Variants in MAD1L1 observed in about 807,000 individuals in gnomAD.
The protein encoded by MAD1L1 is mitotic arrest deficient 1 like 1.
In MAD1L1, 95 loss-of-function variants were observed where a neutral mutation model predicts 96.9. The observed-to-expected ratio is 0.98, with a 90% CI of 0.83 to 1.16. MAD1L1 has a LOEUF of 1.16. MAD1L1 is among the 50% of genes most tolerant of loss of function. The pLI, the probability that MAD1L1 is intolerant of heterozygous loss-of-function variation, is 0.00. For synonymous variants in MAD1L1, 473 were observed against 396.6 expected, an observed-to-expected ratio of 1.19 and a Z score of -2.29; for missense variants, 1,007 against 954.4, an observed-to-expected ratio of 1.06 and a Z score of -0.73.
chr7:2,057,345 A>G (rs1784425272), intron 12 of MAD1L1, among the ~76,000 whole-genome samples: 1 of 152,200 alleles, frequency 6.6e-6, no homozygotes, highest in African/African-American at 2.4e-5. Context: ...GGCAAAATCC[A>G]TCCCTACTAA....
intron 13 of MAD1L1, among the ~76,000 whole-genome samples, chr7:2,004,508 G>A (rs950176061): frequency 1.3e-5 from 2 of 152,198 alleles, no homozygotes; most frequent in Non-Finnish European, 2.9e-5. Flanking sequence ...AGGCAGGGTC[G>A]TCCGGAAGCA....
chr7:1,931,113 TGTC>T (rs1789450136), intron 17 of MAD1L1, among the ~76,000 whole-genome samples: 2 of 117,460 alleles, frequency 1.7e-5, no homozygotes, highest in African/African-American at 8.2e-5. Flanking sequence ...ATGGGGTCCA[TGTC>T]AAGGGTCTGC....
intron 11 of MAD1L1, among the ~76,000 whole-genome samples, chr7:2,087,413 G>A (rs976431394): frequency 3.9e-5 from 6 of 152,044 alleles, no homozygotes; most frequent in Admixed American, 2.6e-4. Flanking sequence ...GGTGGCGCGC[G>A]CCTGTAATCT....
At chr7:2,221,241 T>C (rs1793591214) in intron 5 of MAD1L1, among the ~76,000 whole-genome samples, 2 of 152,020 alleles carry the variant, frequency 1.3e-5, no homozygotes, top group Middle Eastern at 6.8e-3. Flanking sequence ...CCCTCCCCCA[T>C]GGAACCACAG....
chr7:2,044,630 G>A (rs189323353), intron 12 of MAD1L1, among the ~76,000 whole-genome samples: 13 of 152,112 alleles, frequency 8.5e-5, no homozygotes, highest in Non-Finnish European at 1.6e-4. Context: ...GTCCCCAGGC[G>A]ATCGACCACA....
intron 12 of MAD1L1, among the ~76,000 whole-genome samples, chr7:2,042,971 C>A (rs985625612): frequency 5.9e-5 from 9 of 152,118 alleles, no homozygotes; most frequent in African/African-American, 2.2e-4. Context: ...CACAGGCCGA[C>A]CCCGTGAAGC....
At chr7:1,903,673 G>A (rs1215011409) in intron 17 of MAD1L1, among the ~76,000 whole-genome samples, 103 of 131,966 alleles carry the variant, frequency 7.8e-4, no homozygotes, top group African/African-American at 1.9e-3. Flanking sequence ...AGTGGCCTAT[G>A]GAAGACGCTC....
intron 12 of MAD1L1, among the ~76,000 whole-genome samples, chr7:2,038,584 C>G (rs1468792220): frequency 4.3e-5 from 6 of 139,494 alleles, no homozygotes; most frequent in Admixed American, 2.5e-4. Context: ...ACAATCTTGG[C>G]TCACTGCAAC....
chr7:2,145,552 T>A (rs1429813035), intron 11 of MAD1L1, among the ~76,000 whole-genome samples: 1 of 152,242 alleles, frequency 6.6e-6, no homozygotes, highest in Admixed American at 6.5e-5. Flanking sequence ...GAAAATTCCT[T>A]CTTGCTCCAG....
At chr7:1,924,231 G>T (rs1788969428) in intron 17 of MAD1L1, among the ~76,000 whole-genome samples, 1 of 152,186 alleles carries the variant, frequency 6.6e-6, no homozygotes, top group Non-Finnish European at 1.5e-5. Flanking sequence ...CACTAAGCTT[G>T]GTGTAGAAAG....
At chr7:2,007,358 T>C (rs1782078667) in intron 13 of MAD1L1, among the ~76,000 whole-genome samples, 1 of 152,160 alleles carries the variant, frequency 6.6e-6, no homozygotes, top group Non-Finnish European at 1.5e-5. Context: ...GTTGCCACGG[T>C]ATGGCCGCTG....
intron 10 of MAD1L1, among the ~76,000 whole-genome samples, chr7:2,196,770 C>T (rs542283748): frequency 1.3e-5 from 2 of 152,366 alleles, no homozygotes; most frequent in East Asian, 3.9e-4. Context: ...CAGAAGGCCT[C>T]GGGCTCCCTG....
intron 12 of MAD1L1, among the ~76,000 whole-genome samples, chr7:2,039,269 G>A (rs1354687188): frequency 1.3e-5 from 2 of 152,320 alleles, no homozygotes; most frequent in South Asian, 2.1e-4. Flanking sequence ...CATCACCACC[G>A]AAGGACATCA....
chr7:2,138,236 A>G (rs1289097998), intron 11 of MAD1L1, among the ~76,000 whole-genome samples: 1 of 152,182 alleles, frequency 6.6e-6, no homozygotes, highest in Non-Finnish European at 1.5e-5. Context: ...GGGTGCATAC[A>G]GGGTCCAAAG....
At chr7:2,041,337 A>C (rs1391612466) in intron 12 of MAD1L1, among the ~76,000 whole-genome samples, 3 of 152,240 alleles carry the variant, frequency 2.0e-5, no homozygotes, top group Admixed American at 2.0e-4. Flanking sequence ...TTGGAACGTA[A>C]TCATCAGGAA....
At chr7:2,124,307 G>A (rs1239786893) in intron 11 of MAD1L1, among the ~76,000 whole-genome samples, 2 of 152,184 alleles carry the variant, frequency 1.3e-5, no homozygotes, top group African/African-American at 2.4e-5. Context: ...AAAGACCCTC[G>A]CCCAGGAGCA....
intron 10 of MAD1L1, among the ~76,000 whole-genome samples, chr7:2,179,347 G>A (rs1201427479): frequency 1.3e-5 from 2 of 151,806 alleles, no homozygotes; most frequent in Non-Finnish European, 2.9e-5. Flanking sequence ...GACCAACATG[G>A]TAAAACCCCG....
chr7:1,885,779 T>C (rs2128667162), intron 18 of MAD1L1, among the ~76,000 whole-genome samples: 1 of 152,270 alleles, frequency 6.6e-6, no homozygotes, highest in East Asian at 1.9e-4. Context: ...AGCCTCTCCC[T>C]GTCTCGGCCC....
intron 11 of MAD1L1, among the ~76,000 whole-genome samples, chr7:2,116,339 AAAGTGGGCTGCACAC>A (rs1453024605): frequency 1.3e-5 from 2 of 152,202 alleles, no homozygotes; most frequent in East Asian, 3.8e-4. Flanking sequence ...TGAAGCACCT[AAAGTGGGCTGCACAC>A]AGCAGGTGTT....
Sources: allele counts gnomAD v4.1 joint callset (sites outside exome capture counted in the v4.1 genomes callset), GRCh38; gene constraint gnomAD v4.1.1; transcripts MANE v1.5; gene names NCBI Gene and HGNC (gene_info 2026-07-23, HGNC 2026-07-21).